The following HEMK1 variants were observed in gnomAD, a reference collection of about 807,000 sequenced individuals.
The protein encoded by HEMK1 is HemK methyltransferase 1, mitochondrial release factors N(5)-glutamine.
HEMK1 carries 36 observed loss-of-function variants against 47.9 expected under a neutral mutation model. The observed-to-expected ratio is 0.75, with a 90% confidence interval of 0.58 to 0.99. HEMK1 has a LOEUF of 0.99. Ranked by LOEUF, HEMK1 falls within the 50% of genes least tolerant of loss-of-function variation. The pLI is 0.00. For missense variants in HEMK1, 383 were observed against 434.5 expected (o/e 0.88, Z 1.05); for synonymous variants, 153 against 165.4 (o/e 0.93, Z 0.57).
chr3:50,579,639 C>G lies in HEMK1; in HGVS notation c.771-205C>G, dbSNP rs553949642. On this transcript the variant is annotated intron_variant, in intron 8 of 10. Transcript: ENST00000232854. ...TGGGATTCAGCAAGCATGCCTGGCG[C>G]TGCCTGGTAGGGTGCTGCCCATGGG... 1.1e-4 allele frequency among the ~76,000 whole-genome samples: 16 copies of G among 152,324 alleles called. No individual in the cohort carries two copies. In the East Asian group the frequency reaches 3.1e-3, roughly 29 times the overall value.
chr3:50,579,493 C>A (rs942359754), intron 8 of HEMK1, among the ~76,000 whole-genome samples: 2 of 152,190 alleles, frequency 1.3e-5, no homozygotes, highest in Non-Finnish European at 2.9e-5. Flanking sequence ...CTCTCCCTTT[C>A]TGGGCTCTCA....
chr3:50,573,185 C>T (rs973087639), intron 4 of HEMK1, among the ~76,000 whole-genome samples: 1 of 152,016 alleles, frequency 6.6e-6, no homozygotes, highest in South Asian at 2.1e-4. Context: ...GAATCTGAGG[C>T]CTTGCTGAAG....
Position 50,593,806 on chromosome 3 carries a change from C to T in HEMK1, c.*13389C>T, listed in dbSNP as rs1383804045. The T allele has an allele frequency of 2.0e-5, 3 of 151,202 alleles. No individual in the cohort carries two copies. The highest frequency in any genetic ancestry group is 7.3e-5 in the African/African-American group (3 of 41,016). The allele number at this position is 151,202 out of a possible 1,614,324, so 9.4% of individuals were successfully genotyped here. On this transcript the variant is annotated 3_prime_UTR_variant, in exon 11 of 11. Transcript: ENST00000232854. ...TTGCCCAGACTGGAGTGCAGTGGCGCGATCTCCCAGGTTCAAGCGATTCTC... is the reference window on the plus strand; with the variant it reads ...TTGCCCAGACTGGAGTGCAGTGGCGTGATCTCCCAGGTTCAAGCGATTCTC...
rs1350132857 is a variant in HEMK1, at chr3:50,585,322, C to G, written c.*4905C>G. On this transcript the variant is annotated 3_prime_UTR_variant, in exon 11 of 11. Coordinates refer to ENST00000232854, the MANE Select transcript of HEMK1 (RefSeq NM_016173.5). ...CATCTGTGAAATGAGCACAGCAGCC[C>G]CTGACTTTGAGCTAATGGGCCTGGC... The G allele has an allele frequency of 6.6e-6, 1 of 152,344 alleles. No individual in the cohort carries two copies. The highest frequency in any genetic ancestry group is 2.1e-4 in the South Asian group (1 of 4,836). The allele number at this position is 152,344 out of a possible 1,614,324, so 9.4% of individuals were successfully genotyped here.
intron 3 of HEMK1, 155 bp downstream of exon 3, chr3:50,571,956 G>A (rs559565626): frequency 2.5e-6 from 2 of 792,438 alleles, no homozygotes; most frequent in South Asian, 1.2e-4. Context: ...GTACTGAATA[G>A]GAAGAAGGGA....
intron 8 of HEMK1, 64 bp downstream of exon 8, chr3:50,578,990 C>G: frequency 6.6e-6 from 8 of 1,209,378 alleles, no homozygotes; most frequent in South Asian, 1.3e-5. Context: ...AGTCTGCCCT[C>G]GAGGACCACA....
Position 50,590,829 on chromosome 3 carries a change from C to G in HEMK1, c.*10412C>G, listed in dbSNP as rs765779622. Reference sequence around the variant, plus strand: ...TGAGTAGACATGGGCTAGGGACTTACCCAGGCCCTTGGTGGTGCCTCCAAG... The same window carrying G: ...TGAGTAGACATGGGCTAGGGACTTAGCCAGGCCCTTGGTGGTGCCTCCAAG... On this transcript the variant is annotated 3_prime_UTR_variant, in exon 11 of 11. Coordinates refer to ENST00000232854, the MANE Select transcript of HEMK1 (RefSeq NM_016173.5). 1.3e-5 allele frequency: 2 copies of G among 152,194 alleles called. No individual in the cohort carries two copies. The highest frequency in any genetic ancestry group is 4.8e-5 in the African/African-American group (2 of 41,440). The allele number at this position is 152,194 out of a possible 1,614,324, so 9.4% of individuals were successfully genotyped here.
rs1559452553 is a variant in HEMK1 at position 50,571,327 on chromosome 3, A to G, written c.223A>G (p.Lys75Glu). ...EYIVAHVLGAKTFQSLRPALW... is the reference protein window; with the variant it reads ...EYIVAHVLGAETFQSLRPALW... ...CATCGTGGCTCATGTCCTTGGAGCC[A>G]AAACAGTTAAGTTTAGTGTTGTCAA... The change falls in exon 2 of 11, where the codon AAA becomes GAA. Residue 75 changes from lysine (K) to glutamate (E), a missense_variant. By Grantham distance (56) the Lys-to-Glu change is moderately conservative. Coordinates refer to ENST00000232854, the MANE Select transcript of HEMK1 (RefSeq NM_016173.5). 6.3e-7 allele frequency: 1 copy of G among 1,584,338 alleles called. No individual in the cohort carries two copies.
intron 1 of HEMK1, chr3:50,569,783 G>T (rs2107344814): frequency 6.6e-6 from 1 of 152,440 alleles, no homozygotes; most frequent in Non-Finnish European, 1.5e-5. Context: ...ACTGGTGCAA[G>T]AGCCGCTTCT....
At chr3:50,575,102 C>CA (rs1701423547) in intron 4 of HEMK1, among the ~76,000 whole-genome samples, 1 of 151,986 alleles carries the variant, frequency 6.6e-6, no homozygotes, top group African/African-American at 2.4e-5. Flanking sequence ...AGGGTGGTGC[C>CA]ACAGAGAGCT....
In HEMK1 at chr3:50,570,960, A is replaced by G; in HGVS notation, c.-145A>G. 1 of 571,510 alleles carries G rather than the reference A, an allele frequency of 1.7e-6. No individual in the cohort carries two copies. The highest frequency in any genetic ancestry group is 3.0e-6 in the Non-Finnish European group (1 of 330,764). 35.4% of individuals were successfully genotyped at this position (571,510 alleles called of 1,614,324 possible). On this transcript the variant is annotated 5_prime_UTR_variant, in exon 2 of 11. Coordinates refer to ENST00000232854, the MANE Select transcript of HEMK1 (RefSeq NM_016173.5). ...GCAACCAACTATATCTGAGGACCAG[A>G]GCCATTTTGGGGCACCAGAGCTTGT...
At position 50,589,383 on chromosome 3, in the gene HEMK1, C is replaced by T. The variant is rs920281231; in HGVS notation, c.*8966C>T. ...GATTCTAATGTGTCATAATTTGGTG[C>T]TGTGCCCATTTGAGTCTGTGTGTGG... On this transcript the variant is annotated 3_prime_UTR_variant, in exon 11 of 11. Transcript: ENST00000232854. 4 of 151,554 alleles carry T rather than the reference C, an allele frequency of 2.6e-5. No individual in the cohort carries two copies. Among genetic ancestry groups the T allele is most frequent in the African/African-American group, 9.7e-5 (4 of 41,218 alleles). The allele number at this position is 151,554 out of a possible 1,614,324, so 9.4% of individuals were successfully genotyped here. A position where few individuals can be genotyped will look rare whatever the true frequency, so the allele number is the denominator to read the frequency against.
chr3:50,576,099 G>A (rs539898182), intron 4 of HEMK1, among the ~76,000 whole-genome samples: 1 of 152,330 alleles, frequency 6.6e-6, no homozygotes, highest in Admixed American at 6.5e-5. Context: ...ACAGCCCTCA[G>A]GTCCTTAGTC....
rs1462592183 is a variant in HEMK1 at position 50,593,844 on chromosome 3, C to G, written c.*13427C>G. ...TCAAGCGATTCTCTTGGCTCAGCCT[C>G]CCGAGTAGCTGGGATTACAGGCGTC... On this transcript the variant is annotated 3_prime_UTR_variant, in exon 11 of 11. Coordinates refer to ENST00000232854, the MANE Select transcript of HEMK1 (RefSeq NM_016173.5). 2.6e-5 allele frequency: 4 copies of G among 151,908 alleles called. No individual in the cohort carries two copies. The highest frequency in any genetic ancestry group is 9.7e-5 in the African/African-American group (4 of 41,352). The allele number at this position is 151,908 out of a possible 1,614,324, so 9.4% of individuals were successfully genotyped here. A position where few individuals can be genotyped will look rare whatever the true frequency, so the allele number is the denominator to read the frequency against.
In HEMK1 at chr3:50,571,229, T is replaced by C. The variant is rs769554266; in HGVS notation, c.125T>C (p.Ile42Thr). The change falls in exon 2 of 11, where the codon ATA becomes ACA. Residue 42 changes from isoleucine (I) to threonine (T), a missense_variant. Coordinates refer to ENST00000232854, the MANE Select transcript of HEMK1 (RefSeq NM_016173.5). ...QPPLAGLSSA[I>T]ELVSHWTGVF... is the part of the protein sequence containing the mutation. ...CCTCTGGCTGGGTTATCCAGTGCCA[T>C]AGAACTGGTCAGCCACTGGACTGGG... The C allele has an allele frequency of 1.2e-6, 2 of 1,613,860 alleles. No homozygotes were observed. The highest frequency in any genetic ancestry group is 1.1e-5 in the South Asian group (1 of 91,050).
At chr3:50,578,744 A>G in intron 7 of HEMK1, 77 bp from the exon 8 acceptor site, 3 of 942,130 alleles carry the variant, frequency 3.2e-6, no homozygotes, top group South Asian at 1.5e-5. Context: ...TGAGAGGGAC[A>G]TGGTGGCAGG....
chr3:50,578,703 GA>G, intron 7 of HEMK1, 117 bp from the exon 8 acceptor site: 1 of 678,162 alleles, frequency 1.5e-6, no homozygotes, highest in Non-Finnish European at 2.5e-6. Flanking sequence ...TGGCTTATCA[GA>G]TCCAGAGGCA....
rs1337262234 is a variant in HEMK1 at position 50,594,949 on chromosome 3, G to C, written c.*14532G>C. ...AGAGTCTCATTCTGTTGCCAGGCTGGAGTGCAGTGGCGTGATCTTGGCTTA... is the reference window on the plus strand; with the variant it reads ...AGAGTCTCATTCTGTTGCCAGGCTGCAGTGCAGTGGCGTGATCTTGGCTTA... On this transcript the variant is annotated 3_prime_UTR_variant, in exon 11 of 11. Coordinates refer to ENST00000232854, the MANE Select transcript of HEMK1 (RefSeq NM_016173.5). The C allele has an allele frequency of 6.6e-6, 1 of 151,596 alleles. No individual in the cohort carries two copies. The highest frequency in any genetic ancestry group is 6.6e-5 in the Admixed American group (1 of 15,220). The allele number at this position is 151,596 out of a possible 1,614,324, so 9.4% of individuals were successfully genotyped here.
At position 50,577,734 on chromosome 3, in the gene HEMK1, C is replaced by A. The variant is rs1375509403; in HGVS notation, c.615-92C>A. On this transcript the variant is annotated intron_variant, in intron 6 of 10. Coordinates refer to ENST00000232854, the MANE Select transcript of HEMK1 (RefSeq NM_016173.5). ...GGGTAGTGGGCAGTGAGTATCTTGC[C>A]AGTCCAAGAAGGGTTGACTATAAGA... 24 of 1,450,854 alleles carry A rather than the reference C, an allele frequency of 1.7e-5. No homozygotes were observed. In the East Asian group the frequency reaches 5.0e-4, roughly 30 times the overall value. The allele number at this position is 1,450,854 out of a possible 1,614,324, so 89.9% of individuals were successfully genotyped here. A position where few individuals can be genotyped will look rare whatever the true frequency, so the allele number is the denominator to read the frequency against.
Sources: gnomAD v4.1 joint callset for allele counts (sites outside exome capture counted in the v4.1 genomes callset) on GRCh38, gnomAD v4.1.1 for gene constraint, MANE v1.5 for transcripts, NCBI Gene and HGNC (gene_info 2026-07-23, HGNC 2026-07-21) for gene names.